The following CFAP299 variants were observed in gnomAD, a reference collection of about 807,000 sequenced individuals.
The protein encoded by CFAP299 is cilia and flagella associated protein 299, also known as cilia- and flagella-associated protein 299.
A neutral mutation model predicts 27.0 loss-of-function variants in CFAP299; 21 were observed. The ratio of observed to expected loss-of-function variants is 0.78; its 90% CI spans 0.55 to 1.12. The LOEUF is 1.12. Ranked by LOEUF, CFAP299 falls within the 50% of genes most tolerant of loss-of-function variation. The pLI, the probability that CFAP299 is intolerant of heterozygous loss-of-function variation, is 0.00. For synonymous variants in CFAP299, 104 were observed against 98.1 expected (o/e 1.06, Z -0.36); for missense variants, 310 against 276.6 (o/e 1.12, Z -0.86).
intron 4 of CFAP299, chr4:80,872,776 A>G (rs1031676751): frequency 5.1e-5 from 21 of 410,336 alleles, no homozygotes; most frequent in African/African-American, 4.4e-4. Context: ...TGAAGTACCT[A>G]TTAAGATTTT....
At chr4:80,664,911 C>T (rs1741071888) in intron 3 of CFAP299, among the ~76,000 whole-genome samples, 1 of 152,146 alleles carries the variant, frequency 6.6e-6, no homozygotes, top group African/African-American at 2.4e-5. Flanking sequence ...TTGGGAAAAG[C>T]GTAGTTTCTG....
At chr4:80,387,712 A>C in intron 2 of CFAP299, 2 of 1,581,636 alleles carry the variant, frequency 1.3e-6, no homozygotes, top group Non-Finnish European at 1.7e-6. Flanking sequence ...AATGCATTGG[A>C]AGGGCTTCTC....
At chr4:80,349,959 A>G (rs558982081) in intron 1 of CFAP299, among the ~76,000 whole-genome samples, 2 of 152,268 alleles carry the variant, frequency 1.3e-5, no homozygotes, top group Admixed American at 6.5e-5. Context: ...ATTATCTACA[A>G]TGAACATACA....
chr4:80,782,883 C>G (rs902108679), intron 3 of CFAP299, among the ~76,000 whole-genome samples: 5 of 151,300 alleles, frequency 3.3e-5, no homozygotes, highest in Admixed American at 6.7e-5. Flanking sequence ...CTAAAATCTA[C>G]TGGTGCTCAG....
intron 3 of CFAP299, among the ~76,000 whole-genome samples, chr4:80,764,339 GA>G (rs1169841977): frequency 1.3e-5 from 2 of 152,128 alleles, no homozygotes; most frequent in Non-Finnish European, 2.9e-5. Context: ...CAACAAACAT[GA>G]AAAAAAGCTC....
At chr4:80,688,055 G>A (rs932024419) in intron 3 of CFAP299, among the ~76,000 whole-genome samples, 4 of 152,088 alleles carry the variant, frequency 2.6e-5, no homozygotes, top group East Asian at 3.9e-4. Flanking sequence ...ACGGAGTCTC[G>A]CTGATTGGTA....
intron 3 of CFAP299, among the ~76,000 whole-genome samples, chr4:80,858,099 T>G (rs1732044159): frequency 6.6e-6 from 1 of 152,234 alleles, no homozygotes; most frequent in Admixed American, 6.5e-5. Context: ...GTTATTGGTC[T>G]ATTCAGAGAT....
intron 4 of CFAP299, among the ~76,000 whole-genome samples, chr4:80,928,913 T>G (rs1303483755): frequency 6.6e-6 from 1 of 152,140 alleles, no homozygotes; most frequent in Non-Finnish European, 1.5e-5. Context: ...ATCATAACTC[T>G]CCTTGTATGT....
intron 3 of CFAP299, among the ~76,000 whole-genome samples, chr4:80,807,473 A>T (rs551877824): frequency 6.6e-6 from 1 of 152,232 alleles, no homozygotes; most frequent in South Asian, 2.1e-4. Context: ...AAGGTCAGAA[A>T]CTATTCAGAG....
chr4:80,843,268 C>G (rs945742199), intron 3 of CFAP299, among the ~76,000 whole-genome samples: 2 of 151,928 alleles, frequency 1.3e-5, no homozygotes, highest in Non-Finnish European at 2.9e-5. Flanking sequence ...GTGTGATGTT[C>G]CTCTTCCTGT....
At chr4:80,957,547 A>C (rs1407150810) in intron 5 of CFAP299, among the ~76,000 whole-genome samples, 1 of 152,180 alleles carries the variant, frequency 6.6e-6, no homozygotes, top group Non-Finnish European at 1.5e-5. Flanking sequence ...GCAGAGACAT[A>C]AAAAAGGAAT....
rs187631114 is a variant in CFAP299, at chr4:80,720,632, T to C, written c.333+137449T>C. Among the ~76,000 whole-genome samples, 501 of 152,196 alleles carry C rather than the reference T, an allele frequency of 3.3e-3. 3 individuals carry two copies. Among genetic ancestry groups the C allele is most frequent in the Middle Eastern group, 6.8e-3 (2 of 292 alleles). On this transcript the variant is annotated intron_variant, in intron 3 of 5. Coordinates refer to ENST00000358105, the MANE Select transcript of CFAP299 (RefSeq NM_152770.3). ...GGATTAATTATAATTAATCTTACCATGTCCAAGAATAAAGCTCTCAAGGAT... is the reference window on the plus strand; with the variant it reads ...GGATTAATTATAATTAATCTTACCACGTCCAAGAATAAAGCTCTCAAGGAT...
At chr4:80,633,065 A>G (rs886509649) in intron 3 of CFAP299, among the ~76,000 whole-genome samples, 49 of 152,364 alleles carry the variant, frequency 3.2e-4, no homozygotes, top group African/African-American at 1.1e-3. Context: ...CCTTTTAAAA[A>G]TTAAATTTCT....
At chr4:80,715,575 T>C (rs540066369) in intron 3 of CFAP299, among the ~76,000 whole-genome samples, 1 of 152,202 alleles carries the variant, frequency 6.6e-6, no homozygotes, top group African/African-American at 2.4e-5. Context: ...CTTTGTGTTA[T>C]CAAAGAAATA....
chr4:80,730,906 C>T (rs755843144), intron 3 of CFAP299, among the ~76,000 whole-genome samples: 28 of 152,164 alleles, frequency 1.8e-4, no homozygotes, highest in Non-Finnish European at 3.4e-4. Context: ...TCATTTTATC[C>T]TGCCTTTGCA....
At chr4:80,346,589 G>A (rs1722739625) in intron 1 of CFAP299, among the ~76,000 whole-genome samples, 1 of 151,776 alleles carries the variant, frequency 6.6e-6, no homozygotes, top group Non-Finnish European at 1.5e-5. Flanking sequence ...GGTTGCATAT[G>A]TGTGGTGTTA....
intron 3 of CFAP299, among the ~76,000 whole-genome samples, chr4:80,775,255 G>T (rs759818560): frequency 6.6e-6 from 1 of 151,718 alleles, no homozygotes; most frequent in Non-Finnish European, 1.5e-5. Context: ...TATTTGTAAG[G>T]TATGAAAGAA....
chr4:80,657,585 A>G (rs895298507), intron 3 of CFAP299, among the ~76,000 whole-genome samples: 2 of 151,972 alleles, frequency 1.3e-5, no homozygotes, highest in African/African-American at 2.4e-5. Context: ...CTATTGGTCT[A>G]TATCTCTGTT....
At chr4:80,799,998 A>G (rs1475012049) in intron 3 of CFAP299, among the ~76,000 whole-genome samples, 1 of 58,818 alleles carries the variant, frequency 1.7e-5, no homozygotes, top group East Asian at 6.4e-4. Flanking sequence ...AATATATATT[A>G]TGATATATAA....
Sources: gnomAD v4.1 joint callset for allele counts (sites outside exome capture counted in the v4.1 genomes callset) on GRCh38, gnomAD v4.1.1 for gene constraint, MANE v1.5 for transcripts, NCBI Gene and HGNC (gene_info 2026-07-23, HGNC 2026-07-21) for gene names.